RUFY2: variants seen among roughly 807,000 people sequenced by gnomAD.
RUFY2 encodes RUN and FYVE domain-containing protein 2.
RUFY2 carries 49 observed loss-of-function variants against 94.4 expected under a neutral mutation model. The observed-to-expected ratio is 0.52, with a 90% CI of 0.41 to 0.66. RUFY2 has a LOEUF of 0.66. Among genes scored for constraint, RUFY2 ranks in the 30% least tolerant of loss-of-function variants. The pLI is 0.00. For synonymous variants in RUFY2, 255 were observed against 235.7 expected, an observed-to-expected ratio of 1.08 and a Z score of -0.75; for missense variants, 541 against 692.8, an observed-to-expected ratio of 0.78 and a Z score of 2.46.
At chr10:68,399,062 G>T (rs1476094403) in intron 3 of RUFY2, among the ~76,000 whole-genome samples, 13 of 150,860 alleles carry the variant, frequency 8.6e-5, no homozygotes, top group African/African-American at 2.4e-5. Context: ...TTTGGTGGGG[G>T]AGACAAAGTC....
At chr10:68,406,699 C>T in intron 1 of RUFY2, 3 of 1,480,900 alleles carry the variant, frequency 2.0e-6, no homozygotes, top group Non-Finnish European at 2.7e-6. Context: ...CCCCTCCCCC[C>T]AGCAAGGCTG....
chr10:68,372,766 A>T (rs1355805012), intron 13 of RUFY2, among the ~76,000 whole-genome samples: 2 of 151,830 alleles, frequency 1.3e-5, no homozygotes, highest in Non-Finnish European at 2.9e-5. Context: ...AAAATTAGCC[A>T]GGTATGGTGA....
rs1589891169 is a variant in RUFY2 at position 68,378,355 on chromosome 10, C to A, written c.1205+1069G>T. ...GTCAATACTCAAATCACCCTTTGTG[C>A]ACAAGGTTTGAGGAACGTATGTCTG... On this transcript the variant is annotated intron_variant, in intron 12 of 17. Transcript: ENST00000602465. 4 of 1,225,714 alleles carry A rather than the reference C, an allele frequency of 3.3e-6. No homozygotes were observed. The East Asian group carries it at 1.3e-4, about 40-fold the overall frequency. 75.9% of individuals were successfully genotyped at this position (1,225,714 alleles called of 1,614,324 possible). A position where few individuals can be genotyped will look rare whatever the true frequency, so the allele number is the denominator to read the frequency against.
chr10:68,371,059 G>A (rs113398845), intron 13 of RUFY2, among the ~76,000 whole-genome samples: 1 of 151,414 alleles, frequency 6.6e-6, no homozygotes, highest in African/African-American at 2.4e-5. Flanking sequence ...GTGAACCCAG[G>A]AGGCGGAGCT....
In RUFY2 at chr10:68,379,375, A is replaced by G. The variant is rs769225598; in HGVS notation, c.1205+49T>C. 1.2e-5 allele frequency: 16 copies of G among 1,366,128 alleles called. No individual in the cohort carries two copies. In the East Asian group the frequency reaches 3.7e-4, roughly 31 times the overall value. 84.6% of individuals were successfully genotyped at this position (1,366,128 alleles called of 1,614,324 possible). A position where few individuals can be genotyped will look rare whatever the true frequency, so the allele number is the denominator to read the frequency against. On this transcript the variant is annotated intron_variant, in intron 12 of 17. Coordinates refer to ENST00000602465, the MANE Select transcript of RUFY2 (RefSeq NM_001330103.2). ...GCAGGTGTAGGAACTGAATAAAGAA[A>G]AAGGGAAGAAGAAAAGAAAAAAAGA...
rs569538641 is a variant in RUFY2 at position 68,406,692 on chromosome 10, C to T, written c.4+494G>A. Reference sequence around the variant, plus strand: ...CCTTCCCTGCCTCTCTTCCTGCCCCCTCCCCCCAGCAAGGCTGCCCAGAGG... The same window carrying T: ...CCTTCCCTGCCTCTCTTCCTGCCCCTTCCCCCCAGCAAGGCTGCCCAGAGG... On this transcript the variant is annotated intron_variant, in intron 1 of 17. Coordinates refer to ENST00000602465, the MANE Select transcript of RUFY2 (RefSeq NM_001330103.2). 23 of 1,432,246 alleles carry T rather than the reference C, an allele frequency of 1.6e-5. 1 individual carries two copies. The South Asian group carries it at 2.8e-4, about 17-fold the overall frequency. 88.7% of individuals were successfully genotyped at this position (1,432,246 alleles called of 1,614,324 possible).
At chr10:68,367,753 T>G (rs984920397) in intron 13 of RUFY2, among the ~76,000 whole-genome samples, 2 of 133,544 alleles carry the variant, frequency 1.5e-5, no homozygotes, top group Non-Finnish European at 3.2e-5. Context: ...TCTCTCTCTC[T>G]CTTTCCTTCC....
intron 13 of RUFY2, among the ~76,000 whole-genome samples, chr10:68,369,288 C>A (rs1433368516): frequency 6.6e-6 from 1 of 152,002 alleles, no homozygotes; most frequent in African/African-American, 2.4e-5. Flanking sequence ...AGTTTGAGAC[C>A]AGCCTGGTCA....
chr10:68,383,545 G>C (rs1282711497), intron 10 of RUFY2, among the ~76,000 whole-genome samples: 2 of 152,024 alleles, frequency 1.3e-5, no homozygotes, highest in Non-Finnish European at 2.9e-5. Flanking sequence ...ACTTGAACCC[G>C]GGAGGCAGAG....
intron 10 of RUFY2, among the ~76,000 whole-genome samples, chr10:68,381,963 A>G (rs2049092877): frequency 6.6e-6 from 1 of 152,190 alleles, no homozygotes; most frequent in African/African-American, 2.4e-5. Flanking sequence ...TGCTTCATAG[A>G]TTGAATATTA....
intron 15 of RUFY2, among the ~76,000 whole-genome samples, chr10:68,355,913 CAAAA>C (rs368423105): frequency 1.3e-5 from 1 of 76,738 alleles, no homozygotes. Flanking sequence ...GACTCCATCT[CAAAA>C]AAAAAAAAAA....
intron 7 of RUFY2, among the ~76,000 whole-genome samples, chr10:68,388,420 G>A (rs1403901941): frequency 2.6e-5 from 4 of 151,996 alleles, no homozygotes; most frequent in Non-Finnish European, 5.9e-5. Context: ...CTGAGATCGC[G>A]CCATTGCATT....
chr10:68,394,124 C>A lies in RUFY2; in HGVS notation c.535G>T (p.Asp179Tyr). ...EDLDSQVGVIDFSMYLKNEED... is the reference protein window; with the variant it reads ...EDLDSQVGVIYFSMYLKNEED... ...TCATTCTTTAAATACATAGAAAAAT[C>A]AATCACTCCAACCTGAAGTAAATAA... is the stretch of plus-strand genomic sequence containing the variant. The change falls in exon 6 of 18, where the codon GAT (aspartate) becomes TAT (tyrosine). Residue 179 changes from aspartate to tyrosine, a missense_variant. By Grantham distance (160) the Asp-to-Tyr change is radical. Transcript: ENST00000602465. The A allele has an allele frequency of 1.3e-6, 2 of 1,497,996 alleles. No individual in the cohort carries two copies. Among genetic ancestry groups the A allele is most frequent in the South Asian group, 2.6e-5 (2 of 77,996 alleles). 92.8% of individuals were successfully genotyped at this position (1,497,996 alleles called of 1,614,324 possible).
At chr10:68,355,862 C>A (rs1178150130) in intron 15 of RUFY2, among the ~76,000 whole-genome samples, 1 of 141,174 alleles carries the variant, frequency 7.1e-6, no homozygotes, top group Non-Finnish European at 1.5e-5. Context: ...TGCAGTGAGC[C>A]AAGATCACGC....
Position 68,407,174 on chromosome 10 carries a change from C to T in RUFY2, c.4+12G>A, listed in dbSNP as rs1286880846. The T allele has an allele frequency of 6.9e-6, 10 of 1,453,646 alleles. No individual in the cohort carries two copies. In the South Asian group the frequency reaches 9.6e-5, roughly 14 times the overall value. The allele number at this position is 1,453,646 out of a possible 1,614,324, so 90.0% of individuals were successfully genotyped here. ...GAGGGCCTAGCGTTCGGTTTCGGCC[C>T]GCTCGCCTTACCCATGGCGGCGGCG... On this transcript the variant is annotated intron_variant, in intron 1 of 17. Coordinates refer to ENST00000602465, the MANE Select transcript of RUFY2 (RefSeq NM_001330103.2).
chr10:68,393,468 C>T (rs1396850031), intron 6 of RUFY2, among the ~76,000 whole-genome samples: 1 of 152,080 alleles, frequency 6.6e-6, no homozygotes. Context: ...TGGCTCATTC[C>T]TGTAATCCCA....
At chr10:68,384,286 C>T (rs971484861) in intron 8 of RUFY2, 134 bp from the exon 9 acceptor site, 11 of 1,187,290 alleles carry the variant, frequency 9.3e-6, no homozygotes, top group Non-Finnish European at 1.1e-5. Context: ...TTCACAGAAA[C>T]GTTCATAAGG....
chr10:68,368,912 G>A (rs972446204), intron 13 of RUFY2, among the ~76,000 whole-genome samples: 1 of 152,062 alleles, frequency 6.6e-6, no homozygotes, highest in Admixed American at 6.6e-5. Context: ...AGAAAACTCT[G>A]GACAATAAAT....
At chr10:68,357,238 T>G (rs1349886566) in intron 15 of RUFY2, among the ~76,000 whole-genome samples, 2 of 152,000 alleles carry the variant, frequency 1.3e-5, no homozygotes, top group South Asian at 2.1e-4. Context: ...ACTTTGTTTT[T>G]TTTTTTTTTA....
Sources: gnomAD v4.1 joint callset for allele counts (sites outside exome capture counted in the v4.1 genomes callset) on GRCh38, gnomAD v4.1.1 for gene constraint, MANE v1.5 for transcripts, NCBI Gene and HGNC (gene_info 2026-07-23, HGNC 2026-07-21) for gene names.